The following MYO1B variants were observed in gnomAD, a reference collection of about 807,000 sequenced individuals.
MYO1B encodes unconventional myosin-Ib.
A neutral mutation model predicts 159.7 loss-of-function variants in MYO1B; 72 were observed. The ratio of observed to expected loss-of-function variants is 0.45; its 90% confidence interval spans 0.37 to 0.55. MYO1B has a LOEUF of 0.55. Ranked by LOEUF, MYO1B falls within the 20% of genes least tolerant of loss-of-function variation. The pLI is 0.00. For synonymous variants in MYO1B, 468 were observed against 473.8 expected (o/e 0.99, Z 0.16); for missense variants, 1,062 against 1,364.8 (o/e 0.78, Z 3.50).
Position 191,363,313 on chromosome 2 carries a change from G to A in MYO1B, c.766-415G>A, listed in dbSNP as rs1693791640. On this transcript the variant is annotated intron_variant, in intron 9 of 30. Coordinates refer to ENST00000392318, the MANE Select transcript of MYO1B (RefSeq NM_001130158.3). ...ATGCCTCCTGTTACCCAGTATCTTG[G>A]GCTGGGCTCTTCACCTTTGCAAACC... Among the ~76,000 whole-genome samples the A allele has an allele frequency of 3.3e-5, 5 of 152,090 alleles. No homozygotes were observed. The South Asian group carries it at 1.0e-3, about 32-fold the overall frequency.
intron 3 of MYO1B, among the ~76,000 whole-genome samples, chr2:191,312,739 A>G (rs994562867): frequency 2.6e-5 from 4 of 152,262 alleles, no homozygotes; most frequent in African/African-American, 9.6e-5. Context: ...ATTTTTAAAA[A>G]GTGATGAATA....
intron 1 of MYO1B, among the ~76,000 whole-genome samples, chr2:191,256,315 T>C (rs949508931): frequency 6.6e-6 from 1 of 152,170 alleles, no homozygotes; most frequent in African/African-American, 2.4e-5. Context: ...ATCTGCGCAA[T>C]GTGGGTAATT....
In MYO1B at chr2:191,245,459, T is replaced by C. The variant is rs1685721749; in HGVS notation, c.-177T>C. Reference sequence around the variant, plus strand: ...CCTCAACCGCGGCGCGTGGAGGCAGTACCAGAGCGCGCGGCGCGCAGTCGG... The same window carrying C: ...CCTCAACCGCGGCGCGTGGAGGCAGCACCAGAGCGCGCGGCGCGCAGTCGG... On this transcript the variant is annotated 5_prime_UTR_variant, in exon 1 of 31. Transcript: ENST00000392318. 1.3e-5 allele frequency: 2 copies of C among 151,964 alleles called. No individual in the cohort carries two copies. The highest frequency in any genetic ancestry group is 2.9e-5 in the Non-Finnish European group (2 of 67,986). 9.4% of individuals were successfully genotyped at this position (151,964 alleles called of 1,614,324 possible).
At chr2:191,340,529 G>A (rs900124400) in intron 4 of MYO1B, among the ~76,000 whole-genome samples, 7 of 152,120 alleles carry the variant, frequency 4.6e-5, no homozygotes, top group African/African-American at 1.7e-4. Context: ...TTTTTAGGTG[G>A]TTTTATCCTT....
intron 2 of MYO1B, among the ~76,000 whole-genome samples, chr2:191,284,342 A>G (rs1688239864): frequency 6.6e-6 from 1 of 152,126 alleles, no homozygotes; most frequent in Non-Finnish European, 1.5e-5. Flanking sequence ...TCTGCTTTGG[A>G]AGGAGTGGAG....
At chr2:191,281,501 G>A (rs1359859493) in intron 2 of MYO1B, among the ~76,000 whole-genome samples, 4 of 152,148 alleles carry the variant, frequency 2.6e-5, no homozygotes, top group African/African-American at 9.7e-5. Context: ...TGACGTTCCC[G>A]AGCACTGCTT....
chr2:191,323,518 G>T (rs1217883037), intron 3 of MYO1B, among the ~76,000 whole-genome samples: 1 of 152,106 alleles, frequency 6.6e-6, no homozygotes, highest in Non-Finnish European at 1.5e-5. Flanking sequence ...TGACTGCCAG[G>T]ATTAAAGTAT....
At chr2:191,413,907 T>G (rs1335518869) in intron 27 of MYO1B, 141 bp from the exon 28 acceptor site, 1 of 783,490 alleles carries the variant, frequency 1.3e-6, no homozygotes, top group Non-Finnish European at 1.9e-6. Context: ...AGGACAGATG[T>G]AAGTGTAATA....
intron 2 of MYO1B, among the ~76,000 whole-genome samples, chr2:191,295,208 A>T (rs1364117342): frequency 6.6e-6 from 1 of 152,140 alleles, no homozygotes; most frequent in African/African-American, 2.4e-5. Context: ...CTGAAGGGGA[A>T]AATGGAGCTG....
At chr2:191,313,913 G>A (rs1357869814) in intron 3 of MYO1B, among the ~76,000 whole-genome samples, 7 of 152,180 alleles carry the variant, frequency 4.6e-5, no homozygotes, top group African/African-American at 1.7e-4. Flanking sequence ...GCCTAACTGC[G>A]AAGGAAGCTG....
intron 12 of MYO1B, 25 bp from the exon 13 acceptor site, chr2:191,370,202 C>T (rs556091357): frequency 6.4e-7 from 1 of 1,553,614 alleles, no homozygotes; most frequent in South Asian, 1.1e-5. Flanking sequence ...CCTTAATTAA[C>T]CCTTTAATTT....
At chr2:191,253,389 G>A (rs1686244876) in intron 1 of MYO1B, among the ~76,000 whole-genome samples, 1 of 152,020 alleles carries the variant, frequency 6.6e-6, no homozygotes, top group Non-Finnish European at 1.5e-5. Context: ...AGCCGTACTT[G>A]GTTCACTCTC....
intron 2 of MYO1B, among the ~76,000 whole-genome samples, chr2:191,290,025 G>C (rs1186129780): frequency 6.6e-6 from 1 of 152,116 alleles, no homozygotes; most frequent in Non-Finnish European, 1.5e-5. Flanking sequence ...TTTTTGGTTA[G>C]ATATCATTCT....
intron 11 of MYO1B, among the ~76,000 whole-genome samples, chr2:191,364,866 G>A (rs13431098): frequency 0.53 from 79,646 of 151,028 alleles, 21,234 homozygotes; most frequent in Middle Eastern, 0.59. Context: ...GGTTTAAGAG[G>A]AAGAGAACAA....
chr2:191,260,177 G>A (rs1189057932), intron 1 of MYO1B, among the ~76,000 whole-genome samples: 1 of 150,364 alleles, frequency 6.7e-6, no homozygotes, highest in African/African-American at 2.4e-5. Context: ...AAATAAGATT[G>A]AGTGGGTAGC....
At chr2:191,341,209 T>C (rs1339329847) in intron 4 of MYO1B, among the ~76,000 whole-genome samples, 2 of 151,336 alleles carry the variant, frequency 1.3e-5, no homozygotes, top group Non-Finnish European at 3.0e-5. Flanking sequence ...TTGTTGGTCA[T>C]GTTACTAAGC....
intron 3 of MYO1B, among the ~76,000 whole-genome samples, chr2:191,300,997 T>C (rs1689294443): frequency 6.6e-6 from 1 of 152,214 alleles, no homozygotes. Context: ...TGTTATCATT[T>C]GTGGGTCTGT....
chr2:191,398,303 C>T (rs1696308898), intron 21 of MYO1B, among the ~76,000 whole-genome samples: 1 of 116,542 alleles, frequency 8.6e-6, no homozygotes, highest in Admixed American at 7.9e-5. Context: ...GCTGACCCCC[C>T]ACCTCCCTCC....
At chr2:191,383,519 C>CAT (rs1695212019) in intron 15 of MYO1B, among the ~76,000 whole-genome samples, 177 bp downstream of exon 15, 2 of 114,386 alleles carry the variant, frequency 1.7e-5, no homozygotes, top group African/African-American at 3.9e-5. Context: ...TACACGTACA[C>CAT]ACACACACAC....
Sources: allele counts gnomAD v4.1 joint callset (sites outside exome capture counted in the v4.1 genomes callset), GRCh38; gene constraint gnomAD v4.1.1; transcripts MANE v1.5; gene names NCBI Gene and HGNC (gene_info 2026-07-23, HGNC 2026-07-21).